DACT1: variants seen among roughly 807,000 people sequenced by gnomAD.
The protein encoded by DACT1 is dishevelled binding antagonist of beta catenin 1, also known as dapper homolog 1.
A neutral mutation model predicts 35.3 loss-of-function variants in DACT1; 19 were observed. The ratio of observed to expected loss-of-function variants is 0.54; its 90% CI spans 0.38 to 0.79. The LOEUF (loss-of-function observed/expected upper bound fraction) is 0.79, where lower values mean the gene tolerates loss of function less well. Ranked by LOEUF, DACT1 falls within the 30% of genes least tolerant of loss-of-function variation. The pLI is 0.00. For missense variants in DACT1, 1,143 were observed against 1,057.5 expected, an observed-to-expected ratio of 1.08 and a Z score of -1.12; for synonymous variants, 545 against 466.7, an observed-to-expected ratio of 1.17 and a Z score of -2.16.
At position 58,648,242 on chromosome 14, in the gene DACT1, C is replaced by T. The variant is rs1053555079; in HGVS notation, c.*1108C>T. On this transcript the variant is annotated 3_prime_UTR_variant, in exon 4 of 4. Coordinates refer to ENST00000395153, the MANE Select transcript of DACT1 (RefSeq NM_001079520.2). ...ATATCATTGTGTAAATTTAATATAA[C>T]ATATGCAGTAATAAACCATTTGTTT... The T allele has an allele frequency of 6.0e-6, 1 of 166,842 alleles. No individual in the cohort carries two copies. The highest frequency in any genetic ancestry group is 2.4e-5 in the African/African-American group (1 of 41,344). 10.3% of individuals were successfully genotyped at this position (166,842 alleles called of 1,614,324 possible).
rs770956671 is a variant in DACT1 at position 58,646,033 on chromosome 14, G to T, written c.1299G>T (p.Gly433=). The change falls in exon 4 of 4, where the codon GGG becomes GGT. Residue 433 remains glycine, a synonymous_variant. Transcript: ENST00000395153. ...AACATGCTCGGTGTTCCGCCATTGG[G>T]ACAGGGGAGTCCCCTAAGGAAAGCG... ...SQEHARCSAI[G]TGESPKESAQ... 51 of 1,614,012 alleles carry T rather than the reference G, an allele frequency of 3.2e-5. No homozygotes were observed. Among genetic ancestry groups the T allele is most frequent in the Non-Finnish European group, 4.2e-5 (49 of 1,180,048 alleles).
At position 58,647,382 on chromosome 14, in the gene DACT1, G is replaced by T; in HGVS notation, c.*248G>T. ...TAATGGTGGTGATAGTGAGTTTTGT[G>T]GCACCAGCTGTTTTTTATTTTAAAC... On this transcript the variant is annotated 3_prime_UTR_variant, in exon 4 of 4. Coordinates refer to ENST00000395153, the MANE Select transcript of DACT1 (RefSeq NM_001079520.2). The T allele has an allele frequency of 2.0e-6, 1 of 491,110 alleles. No homozygotes were observed. Among genetic ancestry groups the T allele is most frequent in the Non-Finnish European group, 3.6e-6 (1 of 275,988 alleles). The allele number at this position is 491,110 out of a possible 1,614,324, so 30.4% of individuals were successfully genotyped here.
At position 58,646,511 on chromosome 14, in the gene DACT1, A is replaced by G. The variant is rs1356893515; in HGVS notation, c.1777A>G (p.Lys593Glu). 1.3e-6 allele frequency: 2 copies of G among 1,559,182 alleles called. No individual in the cohort carries two copies. The highest frequency in any genetic ancestry group is 1.4e-5 in the African/African-American group (1 of 72,502). The change falls in exon 4 of 4, where the codon AAG becomes GAG. Residue 593 changes from lysine (K) to glutamate (E), a missense_variant. Transcript: ENST00000395153. ...TNKKLKKASS[K>E]GRKSGGGPEA... Reference sequence around the variant, plus strand: ...TAAGAAACTCAAGAAAGCCTCCTCCAAGGGGAGGAAGAGTGGGGGCGGGCC... The same window carrying G: ...TAAGAAACTCAAGAAAGCCTCCTCCGAGGGGAGGAAGAGTGGGGGCGGGCC...
rs2047592474 is a variant in DACT1 at position 58,638,263 on chromosome 14, G to A, written c.61G>A (p.Glu21Lys). 2 of 1,367,758 alleles carry A rather than the reference G, an allele frequency of 1.5e-6. No individual in the cohort carries two copies. Among genetic ancestry groups the A allele is most frequent in the Admixed American group, 3.3e-5 (1 of 30,108 alleles). 84.7% of individuals were successfully genotyped at this position (1,367,758 alleles called of 1,614,324 possible). The change falls in exon 1 of 4, where the codon GAG becomes AAG. Residue 21 changes from glutamate to lysine, a missense_variant. Glu to Lys is a moderately conservative substitution (Grantham distance 56, BLOSUM62 1). This residue lies in a region of DACT1 where 85 missense variants were observed against 81.8 expected (regional missense o/e 1.04). Transcript: ENST00000395153. ...GGAGCCTCCGGCGCCGGCCCGAGGCGAGCAGCGCACGGCGGAGCCCGAGGG... is the reference window on the plus strand; with the variant it reads ...GGAGCCTCCGGCGCCGGCCCGAGGCAAGCAGCGCACGGCGGAGCCCGAGGG... ...ELEPPAPARG[E>K]QRTAEPEGRW...
chr14:58,641,838 G>A, intron 3 of DACT1, 91 bp downstream of exon 3: 1 of 1,273,978 alleles, frequency 7.8e-7, no homozygotes. Flanking sequence ...TTCACTGGTG[G>A]AAAAATGAAG....
rs2047710177 is a variant in DACT1, at chr14:58,647,869, T to C, written c.*735T>C. The C allele has an allele frequency of 6.0e-6, 1 of 167,110 alleles. No homozygotes were observed. The highest frequency in any genetic ancestry group is 1.5e-5 in the Non-Finnish European group (1 of 68,128). 10.4% of individuals were successfully genotyped at this position (167,110 alleles called of 1,614,324 possible). ...TCCCTAATTTGTAGCCAGTCCAACC[T>C]TTCATTCCTTGGAGGATTTAGTTTT... On this transcript the variant is annotated 3_prime_UTR_variant, in exon 4 of 4. Coordinates refer to ENST00000395153, the MANE Select transcript of DACT1 (RefSeq NM_001079520.2).
At chr14:58,640,419 AGAT>A (rs1056179436) in intron 1 of DACT1, among the ~76,000 whole-genome samples, 6 of 152,250 alleles carry the variant, frequency 3.9e-5, no homozygotes, top group African/African-American at 1.4e-4. Context: ...GTTATACACC[AGAT>A]GATTTAAAGT....
chr14:58,646,532 G>C lies in DACT1; in HGVS notation c.1798G>C (p.Gly600Arg). Residue 600 changes from glycine to arginine, a missense_variant, in exon 4 of 4, where the codon GGG becomes CGG. Transcript: ENST00000395153. ...CTCCAAGGGGAGGAAGAGTGGGGGC[G>C]GGCCCGAGGCTGGTGTTCCCGGCAG... ...ASSKGRKSGG[G>R]PEAGVPGRPA... 6.4e-7 allele frequency: 1 copy of C among 1,556,688 alleles called. No homozygotes were observed. Among genetic ancestry groups the C allele is most frequent in the Non-Finnish European group, 8.7e-7 (1 of 1,154,004 alleles).
At position 58,647,041 on chromosome 14, in the gene DACT1, A is replaced by C. The variant is rs1413421955; in HGVS notation, c.2307A>C (p.Ala769=). 6 of 1,614,190 alleles carry C rather than the reference A, an allele frequency of 3.7e-6. No homozygotes were observed. Among genetic ancestry groups the C allele is most frequent in the Non-Finnish European group, 5.1e-6 (6 of 1,180,026 alleles). The change falls in exon 4 of 4, where the codon GCA becomes GCC. Residue 769 remains alanine, a synonymous_variant. Transcript: ENST00000395153. Reference sequence around the variant, plus strand: ...CCCCAGACCTTCACAACCACCCCGCAAAAACCTTTGTCAAAATTAAGGCCT... The same window carrying C: ...CCCCAGACCTTCACAACCACCCCGCCAAAACCTTTGTCAAAATTAAGGCCT... The part of the protein sequence containing the change: ...VTAPDLHNHP[A]KTFVKIKASH...
chr14:58,636,039 C>T (rs1056992604), upstream of DACT1, among the ~76,000 whole-genome samples: 1 of 152,180 alleles, frequency 6.6e-6, no homozygotes, highest in Admixed American at 6.5e-5. Flanking sequence ...TGTTTGGCAA[C>T]AGCAGGCATA....
At chr14:58,643,359 A>G (rs2047645134) in intron 3 of DACT1, among the ~76,000 whole-genome samples, 1 of 152,220 alleles carries the variant, frequency 6.6e-6, no homozygotes, top group Non-Finnish European at 1.5e-5. Flanking sequence ...GGTCCTGGGC[A>G]CAAGTCATCA....
chr14:58,636,674 A>G (rs943273858), upstream of DACT1, among the ~76,000 whole-genome samples: 3 of 152,142 alleles, frequency 2.0e-5, no homozygotes, highest in African/African-American at 7.2e-5. Flanking sequence ...GTCTGAAATA[A>G]TGATATAGGA....
Position 58,646,587 on chromosome 14 carries a change from GC to G in DACT1, c.1854del (p.Ser618ArgfsTer37). On this transcript the variant is annotated frameshift_variant, in exon 4 of 4. Transcript: ENST00000395153. LOFTEE classifies it high-confidence loss of function. ...RPAGGGHRAG[S>X]RAHGHGREAV... ...GCGGGCGGGGGCCACAGGGCGGGGAGCAGGGCGCATGGCCACGGACGGGAGG... is the reference window on the plus strand; with the variant it reads ...GCGGGCGGGGGCCACAGGGCGGGGAGAGGGCGCATGGCCACGGACGGGAGG... 4 of 1,582,636 alleles carry G rather than the reference GC, an allele frequency of 2.5e-6. No homozygotes were observed. The highest frequency in any genetic ancestry group is 2.6e-6 in the Non-Finnish European group (3 of 1,164,764).
intron 3 of DACT1, among the ~76,000 whole-genome samples, chr14:58,644,365 AG>A (rs1302349284): frequency 6.6e-6 from 1 of 152,220 alleles, no homozygotes; most frequent in East Asian, 1.9e-4. Context: ...AATCTTATCA[AG>A]AATTCTTTAT....
Position 58,645,843 on chromosome 14 carries a change from C to A in DACT1, c.1109C>A (p.Ser370Tyr), listed in dbSNP as rs1238214936. 6.2e-7 allele frequency: 1 copy of A among 1,614,162 alleles called. No individual in the cohort carries two copies. The highest frequency in any genetic ancestry group is 1.3e-5 in the African/African-American group (1 of 74,958). ...TGTCTGCCCTCTGGCGGGATACCTT[C>A]TCTGAACAATGGGACATTCTCCCCA... ...QACLPSGGIP[S>Y]LNNGTFSPPK... The change falls in exon 4 of 4, where the codon TCT becomes TAT. Residue 370 changes from serine (S) to tyrosine (Y), a missense_variant. Transcript: ENST00000395153.
intron 3 of DACT1, among the ~76,000 whole-genome samples, chr14:58,643,641 C>T (rs535920550): frequency 1.1e-4 from 17 of 152,324 alleles, no homozygotes; most frequent in African/African-American, 3.6e-4. Flanking sequence ...TTTAGGTTTT[C>T]CTTCAAGACA....
At position 58,646,201 on chromosome 14, in the gene DACT1, G is replaced by A. The variant is rs1301016279; in HGVS notation, c.1467G>A (p.Leu489=). The A allele has an allele frequency of 2.5e-6, 4 of 1,613,604 alleles. No homozygotes were observed. The highest frequency in any genetic ancestry group is 3.4e-6 in the Non-Finnish European group (4 of 1,179,900). The part of the protein sequence containing the change: ...QGVPPATPPL[L]STAFPVEERP... ...TCCCCCCGGCCACTCCTCCCCTGCT[G>A]TCTACAGCTTTCCCCGTGGAAGAGA... The change falls in exon 4 of 4, where the codon CTG becomes CTA. Residue 489 remains leucine, a synonymous_variant. Coordinates refer to ENST00000395153, the MANE Select transcript of DACT1 (RefSeq NM_001079520.2).
At chr14:58,644,255 A>G (rs2047652713) in intron 3 of DACT1, among the ~76,000 whole-genome samples, 1 of 152,214 alleles carries the variant, frequency 6.6e-6, no homozygotes, top group South Asian at 2.1e-4. Context: ...ATATTACCAC[A>G]TGATCTTTTA....
Position 58,646,561 on chromosome 14 carries a change from C to T in DACT1, c.1827C>T (p.Pro609=), listed in dbSNP as rs1203078279. Residue 609 remains proline, a synonymous_variant, in exon 4 of 4, where the codon CCC becomes CCT. Coordinates refer to ENST00000395153, the MANE Select transcript of DACT1 (RefSeq NM_001079520.2). ...GGPEAGVPGR[P]AGGGHRAGSR... is the part of the protein sequence containing the mutation. ...CCGAGGCTGGTGTTCCCGGCAGGCCCGCGGGCGGGGGCCACAGGGCGGGGA... is the reference window on the plus strand; with the variant it reads ...CCGAGGCTGGTGTTCCCGGCAGGCCTGCGGGCGGGGGCCACAGGGCGGGGA... The T allele has an allele frequency of 3.2e-6, 5 of 1,557,608 alleles. No individual in the cohort carries two copies. The highest frequency in any genetic ancestry group is 4.0e-5 in the Admixed American group (2 of 49,734).
Sources: allele counts gnomAD v4.1 joint callset (sites outside exome capture counted in the v4.1 genomes callset), GRCh38; gene constraint gnomAD v4.1.1; regional missense constraint gnomAD v4.1.1; transcripts MANE v1.5; gene names NCBI Gene and HGNC (gene_info 2026-07-23, HGNC 2026-07-21).